The following MACF1 variants were observed in gnomAD, a reference collection of about 807,000 sequenced individuals.
The protein encoded by MACF1 is microtubule-actin cross-linking factor 1.
A neutral mutation model predicts 854.8 loss-of-function variants in MACF1; 193 were observed. The observed-to-expected ratio is 0.23, with a 90% confidence interval of 0.20 to 0.25. The LOEUF is 0.25. Among genes scored for constraint, MACF1 ranks in the 10% least tolerant of loss-of-function variants. MACF1 has a pLI of 1.00. For missense variants in MACF1, 7,722 were observed against 8,929.1 expected (o/e 0.86, Z 5.45); for synonymous variants, 3,185 against 3,226.7 (o/e 0.99, Z 0.44).
intron 2 of MACF1, among the ~76,000 whole-genome samples, chr1:39,085,936 CTCTTT>C (rs1467346255): frequency 1.3e-5 from 2 of 152,224 alleles, no homozygotes; most frequent in Non-Finnish European, 2.9e-5. Context: ...AACCCTCCTC[CTCTTT>C]TAAGTGCCGC....
At chr1:39,085,932 C>T (rs1414828727) in intron 2 of MACF1, among the ~76,000 whole-genome samples, 1 of 152,194 alleles carries the variant, frequency 6.6e-6, no homozygotes, top group African/African-American at 2.4e-5. Flanking sequence ...GGTAAACCCT[C>T]CTCCTCTTTT....
Position 39,460,565 on chromosome 1 carries a change from G to T in MACF1, c.21361-67G>T, listed in dbSNP as rs1392708607. On this transcript the variant is annotated intron_variant, in intron 91 of 100. Coordinates refer to ENST00000564288, the MANE Select transcript of MACF1 (RefSeq NM_001394062.1). The surrounding 1 kb of genome is among the most constrained non-coding windows in gnomAD (Gnocchi z 4.1). ...CTTTACTGAATGTCTGAAAGTTTGG[G>T]TATGCTCTGGGCAGCTTTTGAGGGC... The T allele has an allele frequency of 2.1e-6, 3 of 1,398,260 alleles. No individual in the cohort carries two copies. The highest frequency in any genetic ancestry group is 3.0e-6 in the Non-Finnish European group (3 of 991,390). 86.6% of individuals were successfully genotyped at this position (1,398,260 alleles called of 1,614,324 possible).
chr1:39,359,333 C>T, intron 47 of MACF1, 69 bp downstream of exon 47: 1 of 1,542,810 alleles, frequency 6.5e-7, no homozygotes, highest in Admixed American at 1.8e-5. Context: ...TGCAATATGT[C>T]ACATTGTGTT....
intron 97 of MACF1, among the ~76,000 whole-genome samples, chr1:39,477,043 G>GTGTA (rs1491181267): frequency 2.7e-5 from 2 of 74,968 alleles, no homozygotes; most frequent in African/African-American, 1.1e-4. Context: ...TATACACTTA[G>GTGTA]TGTATATATA....
In MACF1 at chr1:39,335,651, C is replaced by A; in HGVS notation, c.9063C>A (p.Thr3021=). 6.2e-7 allele frequency: 1 copy of A among 1,613,990 alleles called. No homozygotes were observed. The highest frequency in any genetic ancestry group is 8.5e-7 in the Non-Finnish European group (1 of 1,179,992). The change falls in exon 37 of 101, where the codon ACC becomes ACA. Residue 3021 remains threonine, a synonymous_variant. Coordinates refer to ENST00000564288, the MANE Select transcript of MACF1 (RefSeq NM_001394062.1). Reference sequence around the variant, plus strand: ...TAAAGAGCCAACCTAGGGAAATGACCTCAAGTGAAAAAGGGAAAGAAGCTG... The same window carrying A: ...TAAAGAGCCAACCTAGGGAAATGACATCAAGTGAAAAAGGGAAAGAAGCTG... ...SHIKSQPREM[T]SSEKGKEADT...
intron 48 of MACF1, 71 bp downstream of exon 48, chr1:39,361,072 A>G (rs1403128244): frequency 7.5e-7 from 1 of 1,329,190 alleles, no homozygotes; most frequent in Non-Finnish European, 1.1e-6. Context: ...TAATGTTGAA[A>G]AAGTAACAAG....
At chr1:39,129,278 T>C (rs1328559472) in intron 2 of MACF1, among the ~76,000 whole-genome samples, 1 of 152,108 alleles carries the variant, frequency 6.6e-6, no homozygotes, top group African/African-American at 2.4e-5. Context: ...GAAAAAGAGA[T>C]AGTAAGTGTA....
chr1:39,317,445 C>A lies in MACF1; in HGVS notation c.3782+38C>A, dbSNP rs185583038. 137 of 1,596,930 alleles carry A rather than the reference C, an allele frequency of 8.6e-5. 1 individual carries two copies. In the East Asian group the frequency reaches 3.0e-3, roughly 35 times the overall value. On this transcript the variant is annotated intron_variant, in intron 29 of 100. Transcript: ENST00000564288. ...CCCACCTTTTTCTCCTATTAGAGTT[C>A]AGGGACTAGGTCTTAAACAAAAACA...
chr1:39,322,655 G>A lies in MACF1; in HGVS notation c.4077G>A (p.Gln1359=), dbSNP rs777911686. 2.5e-6 allele frequency: 4 copies of A among 1,614,134 alleles called. No individual in the cohort carries two copies. Residue 1359 remains glutamine (Q), a synonymous_variant, in exon 32 of 101, where the codon CAG becomes CAA. Coordinates refer to ENST00000564288, the MANE Select transcript of MACF1 (RefSeq NM_001394062.1). ...CATACAAGGCCTTTGTGGAATCGCA[G>A]CAGAAATCCCCTGGCAAGCGCCGTC... is the stretch of plus-strand genomic sequence containing the variant. The part of the protein sequence containing the change: ...LMTYKAFVES[Q]QKSPGKRRRM...
chr1:39,283,971 G>T lies in MACF1; in HGVS notation c.916-95G>T, dbSNP rs1001085605. ...AGCATCTAGGCAATTAAAGGAAATGGATTTTATATAGTTTGGAGTGGCCTG... is the reference window on the plus strand; with the variant it reads ...AGCATCTAGGCAATTAAAGGAAATGTATTTTATATAGTTTGGAGTGGCCTG... On this transcript the variant is annotated intron_variant, in intron 9 of 100. Coordinates refer to ENST00000564288, the MANE Select transcript of MACF1 (RefSeq NM_001394062.1). This position sits in a 1 kb window ranked among gnomAD's most constrained non-coding sequence, Gnocchi z 4.5. The T allele has an allele frequency of 7.3e-7, 1 of 1,375,838 alleles. No homozygotes were observed. 85.2% of individuals were successfully genotyped at this position (1,375,838 alleles called of 1,614,324 possible).
chr1:39,154,925 A>G lies in MACF1; in HGVS notation c.220+70487A>G, dbSNP rs111383118. ...GTCAGCAGCTGGCCAGAGAATGCCT[A>G]TTAGTCTGCCAGATCCTAAGTCTTT... is the stretch of plus-strand genomic sequence containing the variant. On this transcript the variant is annotated intron_variant, in intron 2 of 93. Transcript: ENST00000361689. 5.1e-3 allele frequency among the ~76,000 whole-genome samples: 779 copies of G among 152,186 alleles called. 6 individuals carry two copies. Among genetic ancestry groups the G allele is most frequent in the African/African-American group, 0.017 (715 of 41,506 alleles).
chr1:39,238,478 T>G (rs2148317810), intron 2 of MACF1, among the ~76,000 whole-genome samples: 1 of 152,348 alleles, frequency 6.6e-6, no homozygotes, highest in Non-Finnish European at 1.5e-5. Context: ...CCCCTGCCCT[T>G]GGGTTTGGCC....
At position 39,246,602 on chromosome 1, in the gene MACF1, G is replaced by C. The variant is rs75927663; in HGVS notation, c.172-3412G>C. On this transcript the variant is annotated intron_variant, in intron 2 of 100. Transcript: ENST00000564288. ...TGGCTCACTGCAACCTCTGCCTTCCGGGTTCAAGCGATTCTCCTGCCTCAG... is the reference window on the plus strand; with the variant it reads ...TGGCTCACTGCAACCTCTGCCTTCCCGGTTCAAGCGATTCTCCTGCCTCAG... 3.9e-4 allele frequency among the ~76,000 whole-genome samples: 58 copies of C among 150,172 alleles called. 1 individual carries two copies. The East Asian group carries it at 0.011, about 28-fold the overall frequency.
At chr1:39,243,366 G>T (rs1644946753) in intron 2 of MACF1, among the ~76,000 whole-genome samples, 1 of 152,202 alleles carries the variant, frequency 6.6e-6, no homozygotes, top group African/African-American at 2.4e-5. Flanking sequence ...CCTTATTGAT[G>T]ATTCCTGAAC....
At chr1:39,273,131 A>ATTTTT (rs561821846) in intron 6 of MACF1, among the ~76,000 whole-genome samples, 2 of 120,446 alleles carry the variant, frequency 1.7e-5, no homozygotes, top group Non-Finnish European at 3.4e-5. Context: ...CTCTATACCA[A>ATTTTT]TTTTTTTTTT....
At position 39,421,010 on chromosome 1, in the gene MACF1, T is replaced by C. The variant is rs563784372; in HGVS notation, c.15817-1364T>C. Reference sequence around the variant, plus strand: ...CCTCCCGAGTAGCTGGGACTACAGGTGCCCGCCACCATGCCCGTCTAATTT... The same window carrying C: ...CCTCCCGAGTAGCTGGGACTACAGGCGCCCGCCACCATGCCCGTCTAATTT... On this transcript the variant is annotated intron_variant, in intron 58 of 100. Transcript: ENST00000564288. 4.0e-4 allele frequency among the ~76,000 whole-genome samples: 61 copies of C among 151,960 alleles called. 1 individual carries two copies. Among genetic ancestry groups the C allele is most frequent in the Admixed American group, 3.7e-3 (56 of 15,240 alleles).
chr1:39,333,733 G>A lies in MACF1; in HGVS notation c.7145G>A (p.Cys2382Tyr), dbSNP rs1001676410. 2 of 1,614,166 alleles carry A rather than the reference G, an allele frequency of 1.2e-6. No homozygotes were observed. The highest frequency in any genetic ancestry group is 2.2e-5 in the East Asian group (1 of 44,884). ...GVLDPRTQTL[C>Y]SVKDAVTVGL... is the part of the protein sequence containing the mutation. ...TTAGACCCCCGTACCCAGACACTGT[G>A]CTCTGTAAAGGATGCAGTTACAGTT... is the stretch of plus-strand genomic sequence containing the variant. Residue 2382 changes from cysteine (C) to tyrosine (Y), a missense_variant, in exon 37 of 101, where the codon TGC becomes TAC. By Grantham distance (194) the Cys-to-Tyr change is radical. Coordinates refer to ENST00000564288, the MANE Select transcript of MACF1 (RefSeq NM_001394062.1).
intron 44 of MACF1, among the ~76,000 whole-genome samples, chr1:39,353,950 G>C (rs1647308389): frequency 6.6e-6 from 1 of 152,084 alleles, no homozygotes; most frequent in Non-Finnish European, 1.5e-5. Flanking sequence ...TGGTCTTCTT[G>C]CCTCTTGGTT....
chr1:39,347,981 A>G (rs1569623960), intron 41 of MACF1, among the ~76,000 whole-genome samples: 1 of 152,326 alleles, frequency 6.6e-6, no homozygotes, highest in South Asian at 2.1e-4. Flanking sequence ...TGTTCATGCC[A>G]TTTCTGCTAT....
Sources: allele counts gnomAD v4.1 joint callset (sites outside exome capture counted in the v4.1 genomes callset), GRCh38; gene constraint gnomAD v4.1.1; non-coding constraint Gnocchi (gnomAD v3.1); transcripts MANE v1.5; gene names NCBI Gene and HGNC (gene_info 2026-07-23, HGNC 2026-07-21).